Variants in SULF2 observed in about 807,000 individuals in gnomAD.
The protein encoded by SULF2 is extracellular sulfatase Sulf-2.
Under a neutral mutation model 107.7 loss-of-function variants are expected in SULF2, and 52 were observed. The ratio of observed to expected loss-of-function variants is 0.48; its 90% confidence interval spans 0.39 to 0.61. The LOEUF is 0.61. SULF2 is among the 20% of genes least tolerant of loss of function. The pLI, the probability that SULF2 is intolerant of heterozygous loss-of-function variation, is 0.00. For missense variants in SULF2, 993 were observed against 1,177.3 expected, an observed-to-expected ratio of 0.84 and a Z score of 2.29; for synonymous variants, 460 against 464.3, an observed-to-expected ratio of 0.99 and a Z score of 0.12.
chr20:47,756,771 C>G (rs969211010), intron 2 of SULF2, among the ~76,000 whole-genome samples: 1 of 152,000 alleles, frequency 6.6e-6, no homozygotes, highest in African/African-American at 2.4e-5. Context: ...CCAGTCTCCT[C>G]AGTAGCTGGG....
chr20:47,738,087 CACTT>C (rs2089788604), intron 2 of SULF2, among the ~76,000 whole-genome samples: 1 of 152,094 alleles, frequency 6.6e-6, no homozygotes, highest in Non-Finnish European at 1.5e-5. Context: ...CAGAGCAAGA[CACTT>C]AGGAAGAAAG....
Position 47,757,353 on chromosome 20 carries a change from G to T in SULF2, c.11C>A (p.Pro4Gln), listed in dbSNP as rs368388121. The T allele has an allele frequency of 6.3e-7, 1 of 1,589,702 alleles. No individual in the cohort carries two copies. Among genetic ancestry groups the T allele is most frequent in the South Asian group, 1.1e-5 (1 of 88,046 alleles). The change falls in exon 2 of 21, where the codon CCG becomes CAG. Residue 4 changes from proline to glutamine, a missense_variant. Pro to Gln is a moderately conservative substitution (Grantham distance 76). Around this residue, in one of 3 missense-constraint regions of SULF2, gnomAD observed 388 missense variants for 449.2 expected, o/e 0.86. Coordinates refer to ENST00000688720, the MANE Select transcript of SULF2 (RefSeq NM_001387048.1). ...GGACAGCAAGCACAGCACGAGGCTC[G>T]GGGGGCCCATCTTCTTTTTTTGCTG... is the stretch of plus-strand genomic sequence containing the variant. MGP[P>Q]SLVLCLLSAT...
At chr20:47,732,909 C>G (rs1217395051) in intron 3 of SULF2, among the ~76,000 whole-genome samples, 1 of 152,126 alleles carries the variant, frequency 6.6e-6, no homozygotes, top group Non-Finnish European at 1.5e-5. Flanking sequence ...CAAGGGTATT[C>G]ATATCTGAGA....
intron 2 of SULF2, among the ~76,000 whole-genome samples, chr20:47,751,898 G>A (rs2090165575): frequency 1.3e-5 from 2 of 152,178 alleles, no homozygotes; most frequent in South Asian, 2.1e-4. Flanking sequence ...CCATGATGGT[G>A]CAACTCTGTT....
rs2087805846 is a variant in SULF2, at chr20:47,680,960, GTCACCTCTGGC to G, written c.1064+2023_1064+2033del. 6.6e-6 allele frequency among the ~76,000 whole-genome samples: 1 copy of G among 152,212 alleles called. No homozygotes were observed. The highest frequency in any genetic ancestry group is 1.5e-5 in the Non-Finnish European group (1 of 68,038). On this transcript the variant is annotated intron_variant, in intron 7 of 20. Transcript: ENST00000688720. The surrounding 1 kb of genome is among the most constrained non-coding windows in gnomAD (Gnocchi z 4.2). ...TCAGCCTGGTTACTCAAGGGTTTCTGTCACCTCTGGCTACAGTGAATGGTTCAGGGAAGGAC... is the reference window on the plus strand; with the variant it reads ...TCAGCCTGGTTACTCAAGGGTTTCTGTACAGTGAATGGTTCAGGGAAGGAC...
Position 47,724,972 on chromosome 20 carries a change from C to T in SULF2, c.415+11731G>A, listed in dbSNP as rs371910888. On this transcript the variant is annotated intron_variant, in intron 3 of 20. Transcript: ENST00000688720. ...CAAAATCAATATAATGCTCTAACTG[C>T]AATCTACAGGGAAAATAAAAGGAAA... Among the ~76,000 whole-genome samples, 349 of 152,262 alleles carry T rather than the reference C, an allele frequency of 2.3e-3. 1 individual carries two copies. The highest frequency in any genetic ancestry group is 7.9e-3 in the African/African-American group (330 of 41,518).
chr20:47,752,505 C>T (rs1265513100), intron 2 of SULF2, among the ~76,000 whole-genome samples: 2 of 147,000 alleles, frequency 1.4e-5, no homozygotes, highest in East Asian at 2.1e-4. Flanking sequence ...CAATGGGGGG[C>T]GGATTGTTTG....
intron 4 of SULF2, among the ~76,000 whole-genome samples, chr20:47,693,264 C>T (rs572326589): frequency 2.6e-5 from 4 of 152,152 alleles, no homozygotes; most frequent in Non-Finnish European, 5.9e-5. Context: ...AAGCTCTGTA[C>T]CCTGACATCA....
chr20:47,708,272 G>A (rs1051682246), intron 3 of SULF2, among the ~76,000 whole-genome samples: 4 of 152,196 alleles, frequency 2.6e-5, no homozygotes, highest in Non-Finnish European at 4.4e-5. Flanking sequence ...GAGTCAGAGG[G>A]GATAGGAGGA....
intron 3 of SULF2, among the ~76,000 whole-genome samples, chr20:47,726,337 C>G (rs1282818577): frequency 6.6e-6 from 1 of 152,100 alleles, no homozygotes; most frequent in Non-Finnish European, 1.5e-5. Flanking sequence ...TCCCAAGTAG[C>G]TGGGACTACA....
In SULF2 at chr20:47,716,774, T is replaced by A. The variant is rs1051177333; in HGVS notation, c.416-14104A>T. Reference sequence around the variant, plus strand: ...ACTTCGGGAGGCCAAGGCAGGAGGATTGCTTGAAGCAAAAAGTTTGAGACC... The same window carrying A: ...ACTTCGGGAGGCCAAGGCAGGAGGAATGCTTGAAGCAAAAAGTTTGAGACC... On this transcript the variant is annotated intron_variant, in intron 3 of 20. Coordinates refer to ENST00000688720, the MANE Select transcript of SULF2 (RefSeq NM_001387048.1). 7.2e-5 allele frequency among the ~76,000 whole-genome samples: 11 copies of A among 152,082 alleles called. 2 individuals carry two copies. The highest frequency in any genetic ancestry group is 4.6e-4 in the Admixed American group (7 of 15,264).
chr20:47,712,538 G>A (rs6066440), intron 3 of SULF2, among the ~76,000 whole-genome samples: 63,367 of 152,098 alleles, frequency 0.42, 13,409 homozygotes, highest in East Asian at 0.47. Flanking sequence ...GGGTCCGTAA[G>A]GCAGGAGCCG....
At chr20:47,698,331 A>G (rs941257925) in intron 4 of SULF2, among the ~76,000 whole-genome samples, 1 of 152,194 alleles carries the variant, frequency 6.6e-6, no homozygotes, top group African/African-American at 2.4e-5. Flanking sequence ...CATGTGACTT[A>G]TAGTCCAGGG....
chr20:47,781,526 T>C (rs949629395), intron 1 of SULF2, among the ~76,000 whole-genome samples: 4 of 152,174 alleles, frequency 2.6e-5, no homozygotes, highest in East Asian at 1.9e-4. Context: ...CAGGTGTGCA[T>C]TGCCAGATCA....
At chr20:47,715,344 C>T (rs1404276079) in intron 3 of SULF2, among the ~76,000 whole-genome samples, 1 of 152,134 alleles carries the variant, frequency 6.6e-6, no homozygotes, top group Non-Finnish European at 1.5e-5. Context: ...TATTTATTCA[C>T]TGGTCATATT....
intron 2 of SULF2, among the ~76,000 whole-genome samples, chr20:47,753,229 A>G (rs1424831138): frequency 7.2e-5 from 11 of 152,252 alleles, no homozygotes; most frequent in African/African-American, 2.6e-4. Flanking sequence ...TGGTGTGAAC[A>G]CTCAGGAAAA....
chr20:47,754,749 A>AC (rs1239722007), intron 2 of SULF2, among the ~76,000 whole-genome samples: 7 of 152,250 alleles, frequency 4.6e-5, no homozygotes, highest in Non-Finnish European at 2.9e-5. Context: ...CGCACACGCT[A>AC]CCAATCTGAA....
At chr20:47,701,121 A>C (rs568188375) in intron 4 of SULF2, among the ~76,000 whole-genome samples, 1 of 152,364 alleles carries the variant, frequency 6.6e-6, no homozygotes, top group Admixed American at 6.5e-5. Flanking sequence ...TGAATGAATA[A>C]ATAATACAGA....
chr20:47,695,251 A>C (rs1274481053), intron 4 of SULF2, among the ~76,000 whole-genome samples: 3 of 152,138 alleles, frequency 2.0e-5, no homozygotes, highest in Non-Finnish European at 2.9e-5. Flanking sequence ...TGTATTTTTC[A>C]CATGTCATGA....
Sources: gnomAD v4.1 joint callset for allele counts (sites outside exome capture counted in the v4.1 genomes callset) on GRCh38, gnomAD v4.1.1 for gene constraint, gnomAD v4.1.1 regional missense constraint, Gnocchi (gnomAD v3.1) non-coding constraint, MANE v1.5 for transcripts, NCBI Gene and HGNC (gene_info 2026-07-23, HGNC 2026-07-21) for gene names.